The following PRKDC variants were observed in gnomAD, a reference collection of about 807,000 sequenced individuals.
PRKDC encodes the protein DNA-dependent protein kinase catalytic subunit.
In PRKDC, 82 loss-of-function variants were observed where a neutral mutation model predicts 486.9. The ratio of observed to expected loss-of-function variants is 0.17; its 90% CI spans 0.14 to 0.20. The LOEUF (loss-of-function observed/expected upper bound fraction) is 0.20, where lower values mean the gene tolerates loss of function less well. Ranked by LOEUF, PRKDC falls within the 10% of genes least tolerant of loss-of-function variation. PRKDC has a pLI of 1.00. For synonymous variants in PRKDC, 1,895 were observed against 1,837.0 expected (o/e 1.03, Z -0.81); for missense variants, 4,504 against 5,038.2 (o/e 0.89, Z 3.21).
chr8:47,887,438 TCCAGCTAAAACCTTACTAC>T (rs761326660), intron 35 of PRKDC, 90 bp downstream of exon 35: 5 of 1,034,926 alleles, frequency 4.8e-6, no homozygotes, highest in Non-Finnish European at 6.5e-6. Flanking sequence ...ACAATACTTG[TCCAGCTAAAACCTTACTAC>T]CCAAATTCCA....
Position 47,774,283 on chromosome 8 carries a change from C to T in PRKDC, c.12277G>A (p.Glu4093Lys). The T allele has an allele frequency of 6.2e-7, 1 of 1,611,762 alleles. No homozygotes were observed. The highest frequency in any genetic ancestry group is 8.5e-7 in the Non-Finnish European group (1 of 1,179,080). Reference sequence around the variant, plus strand: ...TCTTCTGAAAGCCCACTCTCTGGTTCTTGGGCACGAATGTTGTGATCTTTG... The same window carrying T: ...TCTTCTGAAAGCCCACTCTCTGGTTTTTGGGCACGAATGTTGTGATCTTTG... ...GSKDHNIRAQ[E>K]PESGLSEETQ... The change falls in exon 86 of 86, where the codon GAA becomes AAA. Residue 4093 changes from glutamate (E) to lysine (K), a missense_variant. Transcript: ENST00000314191.
At position 47,862,111 on chromosome 8, in the gene PRKDC, T is replaced by C; in HGVS notation, c.5936A>G (p.Glu1979Gly). The C allele has an allele frequency of 1.3e-6, 2 of 1,551,458 alleles. No homozygotes were observed. The highest frequency in any genetic ancestry group is 1.7e-6 in the Non-Finnish European group (2 of 1,145,942). Residue 1979 changes from glutamate (E) to glycine (G), a missense_variant, in exon 44 of 86, where the codon GAA becomes GGA. Coordinates refer to ENST00000314191, the MANE Select transcript of PRKDC (RefSeq NM_006904.7). ...GCGGCGCTTCAGGTCGATCAGATTT[T>C]CAAAAATAAGCAAGTTCTGTGAATA... is the stretch of plus-strand genomic sequence containing the variant. ...EKPEKNLLIF[E>G]NLIDLKRRYN...
At chr8:47,824,939 A>T (rs1181746366) in intron 63 of PRKDC, among the ~76,000 whole-genome samples, 1 of 152,186 alleles carries the variant, frequency 6.6e-6, no homozygotes, top group Non-Finnish European at 1.5e-5. Context: ...TCTTGCATTT[A>T]CATCAAAAGA....
chr8:47,933,996 A>G lies in PRKDC; in HGVS notation c.1592T>C (p.Phe531Ser). 1 of 1,613,326 alleles carries G rather than the reference A, an allele frequency of 6.2e-7. No homozygotes were observed. Among genetic ancestry groups the G allele is most frequent in the Non-Finnish European group, 8.5e-7 (1 of 1,179,820 alleles). ...VPTYKDYVDL[F>S]RHLLSSDQMM... ...CTGGTCAGAGCTCAGGAGATGTCTG[A>G]AGAGATCCACGTAGTCTTTGTATGT... The change falls in exon 15 of 86, where the codon TTC (phenylalanine) becomes TCC (serine). Residue 531 changes from phenylalanine to serine, a missense_variant. Physicochemically the swap from Phe to Ser is radical, Grantham distance 155 (BLOSUM62 -2). Coordinates refer to ENST00000314191, the MANE Select transcript of PRKDC (RefSeq NM_006904.7).
chr8:47,775,041 A>G (rs1247663061), intron 85 of PRKDC, among the ~76,000 whole-genome samples: 1 of 151,998 alleles, frequency 6.6e-6, no homozygotes, highest in East Asian at 1.9e-4. Flanking sequence ...TACAAAAATT[A>G]CCAGGCGTGG....
chr8:47,798,504 T>A (rs1425491959), intron 72 of PRKDC, 107 bp from the exon 73 acceptor site: 2 of 1,199,142 alleles, frequency 1.7e-6, no homozygotes, highest in Non-Finnish European at 2.3e-6. Context: ...TTTTGTAGTG[T>A]CATTGTTCTC....
chr8:47,939,967 A>C (rs531178201), intron 10 of PRKDC: 81 of 231,810 alleles, frequency 3.5e-4, no homozygotes, highest in East Asian at 3.1e-3. Flanking sequence ...AAAAAAAAAA[A>C]AAACCAAAAA....
chr8:47,795,178 GCCT>G (rs2086956725), intron 73 of PRKDC, among the ~76,000 whole-genome samples: 1 of 133,840 alleles, frequency 7.5e-6, no homozygotes, highest in Non-Finnish European at 1.6e-5. Context: ...GAGCCACCGT[GCCT>G]GGCCAACTCT....
intron 63 of PRKDC, among the ~76,000 whole-genome samples, chr8:47,824,727 A>G (rs2087694027): frequency 6.6e-6 from 1 of 152,186 alleles, no homozygotes; most frequent in Non-Finnish European, 1.5e-5. Flanking sequence ...TTACCTTAAC[A>G]AAATTCTGGC....
At chr8:47,897,820 C>T in intron 29 of PRKDC, among the ~76,000 whole-genome samples, 1 of 152,216 alleles carries the variant, frequency 6.6e-6, no homozygotes, top group Non-Finnish European at 1.5e-5. Context: ...GAAGAATCAA[C>T]TTTTAAAACA....
chr8:47,914,142 T>C, intron 23 of PRKDC, 78 bp from the exon 24 acceptor site: 1 of 1,226,866 alleles, frequency 8.2e-7, no homozygotes, highest in Non-Finnish European at 1.1e-6. Flanking sequence ...AATCAAAACA[T>C]TTCTAATGCC....
chr8:47,898,588 A>G lies in PRKDC; in HGVS notation c.3365-19T>C. The stretch of plus-strand genomic sequence containing the variant: ...ATTGTACCTGTTCTCAAGTACAGAG[A>G]CATATTTCCAAAGAAGGCATATATA... On this transcript the variant is annotated intron_variant, in intron 28 of 85. Coordinates refer to ENST00000314191, the MANE Select transcript of PRKDC (RefSeq NM_006904.7). 7.6e-7 allele frequency: 1 copy of G among 1,319,668 alleles called. No individual in the cohort carries two copies. Among genetic ancestry groups the G allele is most frequent in the Non-Finnish European group, 9.9e-7 (1 of 1,009,720 alleles). The allele number at this position is 1,319,668 out of a possible 1,614,324, so 81.7% of individuals were successfully genotyped here.
At chr8:47,915,962 TCTA>T in intron 22 of PRKDC, among the ~76,000 whole-genome samples, 1 of 152,356 alleles carries the variant, frequency 6.6e-6, no homozygotes, top group Middle Eastern at 3.4e-3. Flanking sequence ...CTCTACGTAC[TCTA>T]CTATGTTAAA....
intron 28 of PRKDC, among the ~76,000 whole-genome samples, chr8:47,899,354 TAAAC>T (rs1181300803): frequency 3.9e-5 from 6 of 152,260 alleles, no homozygotes; most frequent in African/African-American, 1.4e-4. Flanking sequence ...TTTTAAAAAA[TAAAC>T]AAAGTTGCCA....
At chr8:47,883,234 C>G (rs2089259500) in intron 36 of PRKDC, among the ~76,000 whole-genome samples, 1 of 152,208 alleles carries the variant, frequency 6.6e-6, no homozygotes, top group South Asian at 2.1e-4. Context: ...TGGAAGAAAT[C>G]TGGTTCAAGT....
rs373526711 is a variant in PRKDC at position 47,778,650 on chromosome 8, C to T, written c.11662G>A (p.Val3888Met). ...GCCTCAGGGCTTGTACTCATCCTCA[C>T]GAAGGCCCGCCTACAAAAGAGACAC... The part of the protein sequence containing the change: ...VPADLLKRAF[V>M]RMSTSPEAFL... The change falls in exon 83 of 86, where the codon GTG becomes ATG. Residue 3888 changes from valine to methionine, a missense_variant. Physicochemically the swap from Val to Met is conservative, Grantham distance 21. Transcript: ENST00000314191. 10 of 1,613,130 alleles carry T rather than the reference C, an allele frequency of 6.2e-6. No homozygotes were observed. Among genetic ancestry groups the T allele is most frequent in the African/African-American group, 4.0e-5 (3 of 74,918 alleles).
intron 10 of PRKDC, 124 bp downstream of exon 10, chr8:47,943,085 T>G: frequency 8.2e-7 from 1 of 1,224,046 alleles, no homozygotes; most frequent in South Asian, 1.6e-5. Context: ...AACATCTTTC[T>G]GCTTTAAATA....
chr8:47,934,030 T>C lies in PRKDC; in HGVS notation c.1558A>G (p.Lys520Glu). Reference protein sequence around the residue: ...ASGEVRTGKWKVPTYKDYVDL... With the variant: ...ASGEVRTGKWEVPTYKDYVDL... ...ACGTAGTCTTTGTATGTGGGCACCT[T>C]CCATTTGCCAGTTCTGACTTCCCCT... Residue 520 changes from lysine to glutamate, a missense_variant, in exon 15 of 86, where the codon AAG becomes GAG. Physicochemically the swap from Lys to Glu is moderately conservative, Grantham distance 56. This residue lies in a region of PRKDC where 1,969 missense variants were observed against 2,068.9 expected (regional missense o/e 0.95). Coordinates refer to ENST00000314191, the MANE Select transcript of PRKDC (RefSeq NM_006904.7). 6.2e-7 allele frequency: 1 copy of C among 1,613,794 alleles called. No homozygotes were observed. Among genetic ancestry groups the C allele is most frequent in the Non-Finnish European group, 8.5e-7 (1 of 1,179,806 alleles).
intron 68 of PRKDC, among the ~76,000 whole-genome samples, chr8:47,813,093 A>ATATTTATT (rs139524100): frequency 0.018 from 2,603 of 148,180 alleles, 32 homozygotes; most frequent in African/African-American, 0.039. Flanking sequence ...ATAGAATTTT[A>ATATTTATT]TATTTATTTA....
Sources: allele counts gnomAD v4.1 joint callset (sites outside exome capture counted in the v4.1 genomes callset), GRCh38; gene constraint gnomAD v4.1.1; regional missense constraint gnomAD v4.1.1; transcripts MANE v1.5; gene names NCBI Gene and HGNC (gene_info 2026-07-23, HGNC 2026-07-21).